Variants in DDC observed in about 807,000 individuals in gnomAD.
DDC encodes dopa decarboxylase.
In DDC, 43 loss-of-function variants were observed where a neutral mutation model predicts 60.0. That is an observed-to-expected ratio of 0.72 (90% CI 0.56 to 0.92). The LOEUF is 0.92. DDC is among the 40% of genes least tolerant of loss of function. DDC has a pLI of 0.00. For missense variants in DDC, 573 were observed against 620.2 expected (o/e 0.92, Z 0.81); for synonymous variants, 232 against 234.6 (o/e 0.99, Z 0.10).
chr7:50,492,534 C>T, intron 9 of DDC: 1 of 227,752 alleles, frequency 4.4e-6, no homozygotes, highest in Non-Finnish European at 7.9e-6. Flanking sequence ...GTAAGAGGTT[C>T]CTCAAGTATT....
At chr7:50,485,490 A>G (rs946195862) in intron 9 of DDC, among the ~76,000 whole-genome samples, 7 of 152,372 alleles carry the variant, frequency 4.6e-5, no homozygotes, top group African/African-American at 1.7e-4. Flanking sequence ...CTAATTTTAA[A>G]GAATACAAAG....
intron 6 of DDC, among the ~76,000 whole-genome samples, chr7:50,509,947 T>C (rs574725836): frequency 3.3e-5 from 5 of 152,214 alleles, no homozygotes; most frequent in African/African-American, 1.2e-4. Context: ...TCTCATTTAC[T>C]TATCTTACTT....
chr7:50,497,154 C>G (rs1282750849), intron 8 of DDC, among the ~76,000 whole-genome samples: 1 of 152,186 alleles, frequency 6.6e-6, no homozygotes, highest in Non-Finnish European at 1.5e-5. Flanking sequence ...AAGGGCAGGG[C>G]CACAACAGGA....
intron 6 of DDC, among the ~76,000 whole-genome samples, chr7:50,504,850 G>GC (rs998457903): frequency 6.6e-6 from 1 of 152,196 alleles, no homozygotes; most frequent in Non-Finnish European, 1.5e-5. Context: ...ACAGACTTTG[G>GC]CATCAGTTAA....
At chr7:50,551,942 A>C (rs2045010711) in intron 1 of DDC, among the ~76,000 whole-genome samples, 1 of 152,142 alleles carries the variant, frequency 6.6e-6, no homozygotes, top group African/African-American at 2.4e-5. Flanking sequence ...CAGAAGGGGT[A>C]GCTGGGAAAG....
intron 2 of DDC, among the ~76,000 whole-genome samples, chr7:50,541,109 T>A (rs2044615436): frequency 1.3e-5 from 2 of 152,220 alleles, no homozygotes; most frequent in Non-Finnish European, 1.5e-5. Flanking sequence ...CAGACCCCTC[T>A]CAGGCTGTGA....
At chr7:50,487,457 T>C (rs2042910115) in intron 9 of DDC, among the ~76,000 whole-genome samples, 1 of 152,138 alleles carries the variant, frequency 6.6e-6, no homozygotes, top group Non-Finnish European at 1.5e-5. Context: ...ATTTTTCTAG[T>C]TTAGAGGACC....
In DDC at chr7:50,461,530, C is replaced by G. The variant is rs2242039; in HGVS notation, c.*18+1683G>C. Among the ~76,000 whole-genome samples the G allele has an allele frequency of 6.6e-5, 10 of 152,270 alleles. No individual in the cohort carries two copies. In the East Asian group the frequency reaches 1.9e-3, roughly 29 times the overall value. On this transcript the variant is annotated intron_variant, in intron 14 of 14. Transcript: ENST00000444124. ...AACTGAGACTCCTATCGGAAACACA[C>G]CTTTGCTGATAAATTTTCAGAGCTA... is the stretch of plus-strand genomic sequence containing the variant.
chr7:50,469,254 TTAA>T (rs571787033), intron 12 of DDC, among the ~76,000 whole-genome samples: 8,286 of 124,736 alleles, frequency 0.066, 322 homozygotes, highest in Middle Eastern at 0.088. Flanking sequence ...AATTGTTATT[TTAA>T]AAAAAAAAAA....
intron 4 of DDC, among the ~76,000 whole-genome samples, chr7:50,536,457 A>G (rs937815618): frequency 1.5e-4 from 23 of 152,306 alleles, no homozygotes; most frequent in African/African-American, 4.6e-4. Flanking sequence ...CCCATCTCAG[A>G]TATTTGGGGT....
intron 4 of DDC, among the ~76,000 whole-genome samples, chr7:50,534,612 T>TAAA (rs55868815): frequency 6.7e-6 from 1 of 148,618 alleles, no homozygotes; most frequent in African/African-American, 2.5e-5. Flanking sequence ...CAAGACAAAA[T>TAAA]AAAAAAAAAA....
chr7:50,512,479 C>T lies in DDC; in HGVS notation c.715-8420G>A, dbSNP rs531541946. On this transcript the variant is annotated intron_variant, in intron 6 of 14. Coordinates refer to ENST00000444124, the MANE Select transcript of DDC (RefSeq NM_001082971.2). ...AATATAAGGGTTGGACAGGAAAATA[C>T]AGTTAATTTTGGTCAATTTTAGCTC... is the stretch of plus-strand genomic sequence containing the variant. Among the ~76,000 whole-genome samples the T allele has an allele frequency of 1.8e-4, 27 of 152,310 alleles. No individual in the cohort carries two copies. The Middle Eastern group carries it at 0.01, about 58-fold the overall frequency.
intron 1 of DDC, among the ~76,000 whole-genome samples, chr7:50,554,643 T>A (rs1431350875): frequency 6.6e-6 from 1 of 152,156 alleles, no homozygotes; most frequent in African/African-American, 2.4e-5. Context: ...GATTCTTTGA[T>A]GAGATAACAG....
chr7:50,537,110 T>C (rs1424810799), intron 4 of DDC, among the ~76,000 whole-genome samples: 2 of 150,020 alleles, frequency 1.3e-5, no homozygotes, highest in African/African-American at 2.5e-5. Context: ...CCCAGTGGAA[T>C]AGAAATTCCA....
chr7:50,509,523 C>T (rs2043491629), intron 6 of DDC, among the ~76,000 whole-genome samples: 1 of 152,236 alleles, frequency 6.6e-6, no homozygotes, highest in Non-Finnish European at 1.5e-5. Flanking sequence ...CCTTCACAGG[C>T]AAACTTCTTT....
chr7:50,463,203 G>A lies in DDC; in HGVS notation c.*18+10C>T, dbSNP rs199880717. 129 of 1,583,378 alleles carry A rather than the reference G, an allele frequency of 8.1e-5. No individual in the cohort carries two copies. The East Asian group carries it at 2.9e-3, about 36-fold the overall frequency. On this transcript the variant is annotated intron_variant, in intron 14 of 14. Coordinates refer to ENST00000444124, the MANE Select transcript of DDC (RefSeq NM_001082971.2). The stretch of plus-strand genomic sequence containing the variant: ...GGAGACAGGCAGAAAATGAGCCCAG[G>A]GCAGCCTACCTGCAGCTGGCTTCAC...
rs886062372 is a variant in DDC at position 50,499,171 on chromosome 7, G to A, written c.853C>T (p.Arg285Trp). The stretch of plus-strand genomic sequence containing the variant: ...ACCTCCACTCCATTCAGAAGGTGCC[G>A]GAACTCAGGGCAGATGAATGCACTG... ...AGSAFICPEF[R>W]HLLNGVEFAD... Residue 285 changes from arginine (R) to tryptophan (W), a missense_variant, in exon 8 of 15, where the codon CGG becomes TGG. By Grantham distance (101) the Arg-to-Trp change is moderately radical. Transcript: ENST00000444124. 5 of 1,613,752 alleles carry A rather than the reference G, an allele frequency of 3.1e-6. No homozygotes were observed. Among genetic ancestry groups the A allele is most frequent in the East Asian group, 2.2e-5 (1 of 44,890 alleles).
At chr7:50,503,178 G>A (rs1181596826) in intron 7 of DDC, among the ~76,000 whole-genome samples, 1 of 152,254 alleles carries the variant, frequency 6.6e-6, no homozygotes, top group East Asian at 1.9e-4. Flanking sequence ...CCACAGGTAT[G>A]TGATCTGAAG....
intron 1 of DDC, among the ~76,000 whole-genome samples, chr7:50,550,141 T>C (rs2044940857): frequency 6.6e-6 from 1 of 152,148 alleles, no homozygotes. Flanking sequence ...CAAACTTCAT[T>C]GTTACTTTGT....
Sources: gnomAD v4.1 joint callset for allele counts (sites outside exome capture counted in the v4.1 genomes callset) on GRCh38, gnomAD v4.1.1 for gene constraint, MANE v1.5 for transcripts, NCBI Gene and HGNC (gene_info 2026-07-23, HGNC 2026-07-21) for gene names.